Variants in NAA60 observed in about 807,000 individuals in gnomAD.
NAA60 encodes the protein N-alpha-acetyltransferase 60.
In NAA60, 8 loss-of-function variants were observed where a neutral mutation model predicts 26.1. That is an observed-to-expected ratio of 0.31 (90% CI 0.18 to 0.55). The LOEUF is 0.55. Among genes scored for constraint, NAA60 ranks in the 20% least tolerant of loss-of-function variants. The pLI is 0.93. For synonymous variants in NAA60, 131 were observed against 122.5 expected, an observed-to-expected ratio of 1.07 and a Z score of -0.46; for missense variants, 290 against 311.3, an observed-to-expected ratio of 0.93 and a Z score of 0.51.
chr16:3,484,436 C>T (rs182774552), intron 6 of NAA60: 3 of 551,374 alleles, frequency 5.4e-6, no homozygotes, highest in East Asian at 3.0e-5. Flanking sequence ...CCCCGTGCAT[C>T]CCTGGGTGTG....
intron 7 of NAA60, 149 bp downstream of exon 7, chr16:3,485,210 G>C: frequency 1.4e-6 from 1 of 695,634 alleles, no homozygotes; most frequent in South Asian, 1.5e-5. Flanking sequence ...CAGCCCAGAG[G>C]TTTGGTGACT....
intron 2 of NAA60, among the ~76,000 whole-genome samples, chr16:3,461,958 G>T (rs976522920): frequency 6.6e-6 from 1 of 151,982 alleles, no homozygotes; most frequent in Non-Finnish European, 1.5e-5. Context: ...ATGGTGGTGC[G>T]CATCTGTCAT....
chr16:3,470,832 T>C (rs571519790), intron 2 of NAA60, among the ~76,000 whole-genome samples: 2 of 152,358 alleles, frequency 1.3e-5, no homozygotes, highest in African/African-American at 4.8e-5. Context: ...TCTCTTCCTT[T>C]CATGGGCACA....
intron 2 of NAA60, 28 bp downstream of exon 2, chr16:3,448,568 A>T (rs1567360643): frequency 6.6e-7 from 1 of 1,522,238 alleles, no homozygotes; most frequent in Admixed American, 2.0e-5. Flanking sequence ...GTGTCCTGCT[A>T]TTAATGATGC....
intron 6 of NAA60, 130 bp downstream of exon 6, chr16:3,483,727 C>A: frequency 1.4e-6 from 1 of 705,568 alleles, no homozygotes; most frequent in Admixed American, 2.8e-5. Context: ...TGCTTCTCTC[C>A]CTTACCTGAT....
At chr16:3,464,453 A>G (rs1162990644) in intron 2 of NAA60, among the ~76,000 whole-genome samples, 1 of 152,200 alleles carries the variant, frequency 6.6e-6, no homozygotes, top group Non-Finnish European at 1.5e-5. Context: ...AAGTGGGGAC[A>G]GGAAGTGCTC....
At chr16:3,448,317 G>A (rs1469764493) in intron 1 of NAA60, among the ~76,000 whole-genome samples, 154 bp from the exon 2 acceptor site, 3 of 149,708 alleles carry the variant, frequency 2.0e-5, no homozygotes, top group Non-Finnish European at 4.4e-5. Context: ...GTAGTTTAGA[G>A]AACTACATGT....
chr16:3,471,345 C>G (rs2036130097), intron 2 of NAA60, among the ~76,000 whole-genome samples: 1 of 151,718 alleles, frequency 6.6e-6, no homozygotes, highest in Non-Finnish European at 1.5e-5. Context: ...ACTAAAAATA[C>G]CAAAAAAATT....
chr16:3,459,981 C>T (rs183962812), intron 2 of NAA60, among the ~76,000 whole-genome samples: 2 of 152,264 alleles, frequency 1.3e-5, no homozygotes, highest in Admixed American at 6.5e-5. Flanking sequence ...TAAAAGGAGA[C>T]CAGGAGGGAT....
intron 2 of NAA60, among the ~76,000 whole-genome samples, chr16:3,475,397 T>C (rs1302738262): frequency 2.6e-5 from 4 of 151,976 alleles, no homozygotes; most frequent in Non-Finnish European, 5.9e-5. Flanking sequence ...GCCCCATCCT[T>C]TCCTTTTAAC....
In NAA60 at chr16:3,443,730, C is replaced by G; in HGVS notation, c.-184C>G. 6.7e-7 allele frequency: 1 copy of G among 1,482,906 alleles called. No individual in the cohort carries two copies. The highest frequency in any genetic ancestry group is 8.9e-7 in the Non-Finnish European group (1 of 1,119,150). The allele number at this position is 1,482,906 out of a possible 1,614,324, so 91.9% of individuals were successfully genotyped here. ...CGTGAGCTCCGGGCCTGTTTGCCTG[C>G]TGAAGTAGAGTCTTAGGGTGACCCC... On this transcript the variant is annotated 5_prime_UTR_variant, in exon 1 of 8. Coordinates refer to ENST00000407558, the MANE Select transcript of NAA60 (RefSeq NM_001083601.3).
At chr16:3,443,659 C>G, upstream of NAA60, 1 of 1,334,096 alleles carries the variant, frequency 7.5e-7, no homozygotes. Flanking sequence ...AGTTTTCCTC[C>G]TTTTCTCTAA....
chr16:3,474,127 G>T (rs1402107688), intron 2 of NAA60, among the ~76,000 whole-genome samples: 3 of 152,212 alleles, frequency 2.0e-5, no homozygotes, highest in Admixed American at 1.3e-4. Flanking sequence ...TGTGAGTTTA[G>T]AGAGGCTTCT....
intron 1 of NAA60, among the ~76,000 whole-genome samples, chr16:3,445,365 C>T (rs535640014): frequency 6.6e-6 from 1 of 151,314 alleles, no homozygotes; most frequent in Admixed American, 6.6e-5. Flanking sequence ...CCTCTGCCTC[C>T]GGGGTTCAAA....
chr16:3,450,942 G>A (rs1007304501), intron 2 of NAA60, among the ~76,000 whole-genome samples: 1 of 152,196 alleles, frequency 6.6e-6, no homozygotes, highest in Non-Finnish European at 1.5e-5. Flanking sequence ...AGAATGTACA[G>A]TACAAGCATT....
intron 1 of NAA60, among the ~76,000 whole-genome samples, 198 bp from the exon 2 acceptor site, chr16:3,448,273 C>CAAA (rs34119288): frequency 2.7e-4 from 32 of 118,600 alleles, no homozygotes; most frequent in Admixed American, 8.7e-4. Context: ...GACCTTGTCT[C>CAAA]AAAAAAAAAA....
chr16:3,463,830 A>G (rs1054152167), intron 2 of NAA60, among the ~76,000 whole-genome samples: 1 of 152,152 alleles, frequency 6.6e-6, no homozygotes, highest in Non-Finnish European at 1.5e-5. Flanking sequence ...ACATAGTGAG[A>G]TCCTGTCTCT....
intron 2 of NAA60, among the ~76,000 whole-genome samples, chr16:3,455,421 C>A (rs1237598519): frequency 2.3e-5 from 3 of 129,774 alleles, no homozygotes; most frequent in Non-Finnish European, 1.6e-5. Context: ...GACGGAGTCT[C>A]GCTCTGTCTG....
At chr16:3,480,922 A>G (rs2036791096) in intron 4 of NAA60, among the ~76,000 whole-genome samples, 1 of 152,062 alleles carries the variant, frequency 6.6e-6, no homozygotes, top group South Asian at 2.1e-4. Context: ...ATAAGTAAAT[A>G]AAAGTGCAAG....
Sources: gnomAD v4.1 joint callset for allele counts (sites outside exome capture counted in the v4.1 genomes callset) on GRCh38, gnomAD v4.1.1 for gene constraint, MANE v1.5 for transcripts, NCBI Gene and HGNC (gene_info 2026-07-23, HGNC 2026-07-21) for gene names.